The following DFFB variants were observed in gnomAD, a reference collection of about 807,000 sequenced individuals.
DFFB encodes the protein DNA fragmentation factor 40 kDa subunit.
DFFB carries 29 observed loss-of-function variants against 32.7 expected under a neutral mutation model. The observed-to-expected ratio is 0.89, with a 90% CI of 0.66 to 1.21. The LOEUF (loss-of-function observed/expected upper bound fraction) is 1.21. Ranked by LOEUF, DFFB falls within the 50% of genes most tolerant of loss-of-function variation. The pLI, the probability that DFFB is intolerant of heterozygous loss-of-function variation, is 0.00. For synonymous variants in DFFB, 170 were observed against 177.1 expected (o/e 0.96, Z 0.32); for missense variants, 398 against 440.6 (o/e 0.90, Z 0.87).
intron 6 of DFFB, among the ~76,000 whole-genome samples, chr1:3,879,657 G>C (rs1645297938): frequency 6.6e-6 from 1 of 152,120 alleles, no homozygotes; most frequent in African/African-American, 2.4e-5. Flanking sequence ...CCAGGACTGT[G>C]AGAGAGTAAA....
At chr1:3,868,129 C>A in intron 4 of DFFB, 76 bp downstream of exon 4, 1 of 1,307,474 alleles carries the variant, frequency 7.6e-7, no homozygotes, top group Non-Finnish European at 1.1e-6. Context: ...AGCCTGTGGT[C>A]CTCACGATGG....
chr1:3,861,549 C>A (rs967675245), intron 2 of DFFB, among the ~76,000 whole-genome samples: 1 of 152,108 alleles, frequency 6.6e-6, no homozygotes, highest in African/African-American at 2.4e-5. Context: ...CTACCTCCGC[C>A]CCTGAGTAGC....
At chr1:3,869,924 G>T in intron 5 of DFFB, 149 bp downstream of exon 5, 1 of 850,308 alleles carries the variant, frequency 1.2e-6, no homozygotes, top group Non-Finnish European at 1.8e-6. Context: ...CAGGGAGGGC[G>T]GCAGTGTCTC....
intron 6 of DFFB, among the ~76,000 whole-genome samples, chr1:3,880,942 G>A (rs1192819610): frequency 2.0e-5 from 3 of 152,184 alleles, no homozygotes; most frequent in Non-Finnish European, 4.4e-5. Context: ...TGTTGGTCGT[G>A]TACTTTGGGC....
At chr1:3,858,941 C>T (rs1644822891) in intron 2 of DFFB, 97 bp downstream of exon 2, 1 of 1,524,172 alleles carries the variant, frequency 6.6e-7, no homozygotes, top group Non-Finnish European at 8.8e-7. Context: ...GGAAGAGTCC[C>T]CCTTACTGTG....
intron 6 of DFFB, among the ~76,000 whole-genome samples, chr1:3,882,466 G>A (rs545420787): frequency 1.7e-4 from 26 of 151,944 alleles, no homozygotes; most frequent in Non-Finnish European, 3.7e-4. Flanking sequence ...CAGGGTTCAA[G>A]CAGTTATCCT....
At chr1:3,864,563 T>G (rs1031271206) in intron 2 of DFFB, among the ~76,000 whole-genome samples, 1 of 152,102 alleles carries the variant, frequency 6.6e-6, no homozygotes, top group African/African-American at 2.4e-5. Flanking sequence ...GGTCTCACTC[T>G]GTTGCCCACG....
intron 3 of DFFB, among the ~76,000 whole-genome samples, chr1:3,866,983 C>T (rs1353436663): frequency 1.3e-5 from 2 of 151,680 alleles, no homozygotes; most frequent in African/African-American, 4.9e-5. Flanking sequence ...GCAAGCTCCA[C>T]CTCCCGGGTT....
intron 2 of DFFB, among the ~76,000 whole-genome samples, chr1:3,862,577 G>C (rs1644898826): frequency 1.3e-5 from 2 of 152,154 alleles, no homozygotes; most frequent in Non-Finnish European, 2.9e-5. Flanking sequence ...AGGATGCCAG[G>C]ACCATTCAAC....
At chr1:3,880,759 G>C (rs1193344233) in intron 6 of DFFB, among the ~76,000 whole-genome samples, 2 of 152,172 alleles carry the variant, frequency 1.3e-5, no homozygotes, top group East Asian at 3.9e-4. Flanking sequence ...CTTGGGCCTG[G>C]AGCTTGCTTT....
intron 1 of DFFB, 76 bp from the exon 2 acceptor site, chr1:3,858,642 C>A: frequency 6.5e-7 from 1 of 1,538,628 alleles, no homozygotes; most frequent in South Asian, 1.2e-5. Context: ...TCATTCCGGT[C>A]GTTTGTGAGG....
chr1:3,884,004 C>T lies in DFFB; in HGVS notation c.*263C>T. The T allele has an allele frequency of 2.3e-6, 1 of 436,824 alleles. No individual in the cohort carries two copies. The allele number at this position is 436,824 out of a possible 1,614,324, so 27.1% of individuals were successfully genotyped here. Reference sequence around the variant, plus strand: ...TGTAGTGGCGCGATCTCGGCTCAGCCTCCCGAGTAGCTGGGATTACAGGCA... The same window carrying T: ...TGTAGTGGCGCGATCTCGGCTCAGCTTCCCGAGTAGCTGGGATTACAGGCA... On this transcript the variant is annotated 3_prime_UTR_variant, in exon 7 of 7. Transcript: ENST00000378209.
chr1:3,881,127 T>C (rs1035374394), intron 6 of DFFB, among the ~76,000 whole-genome samples: 3 of 152,192 alleles, frequency 2.0e-5, no homozygotes, highest in Non-Finnish European at 4.4e-5. Context: ...GGGGGACTTG[T>C]CCCCTCTGAA....
intron 4 of DFFB, among the ~76,000 whole-genome samples, chr1:3,868,996 A>G (rs1417301086): frequency 6.6e-6 from 1 of 152,230 alleles, no homozygotes; most frequent in Non-Finnish European, 1.5e-5. Flanking sequence ...TGCAATGACC[A>G]GGCCCTTCCA....
At chr1:3,868,698 CACCACACCAG>C (rs2124744197) in intron 4 of DFFB, among the ~76,000 whole-genome samples, 3 of 152,258 alleles carry the variant, frequency 2.0e-5, no homozygotes, top group Non-Finnish European at 4.4e-5. Context: ...CACCAGGCCA[CACCACACCAG>C]GCCACACCAC....
chr1:3,882,744 T>C (rs929839462), intron 6 of DFFB, among the ~76,000 whole-genome samples: 1 of 152,222 alleles, frequency 6.6e-6, no homozygotes, highest in Non-Finnish European at 1.5e-5. Context: ...AGCAAACCCT[T>C]AATAGTGATT....
chr1:3,872,903 C>T, intron 6 of DFFB: 2 of 1,218,482 alleles, frequency 1.6e-6, no homozygotes, highest in Non-Finnish European at 2.1e-6. Context: ...CAGCCCTTGG[C>T]TGTCAGAGGT....
At position 3,882,193 on chromosome 1, in the gene DFFB, C is replaced by T. The variant is rs138347542; in HGVS notation, c.783-1314C>T. Among the ~76,000 whole-genome samples the T allele has an allele frequency of 8.2e-3, 1,248 of 151,958 alleles. 12 individuals carry two copies. Among genetic ancestry groups the T allele is most frequent in the African/African-American group, 0.028 (1,157 of 41,462 alleles). On this transcript the variant is annotated intron_variant, in intron 6 of 6. Transcript: ENST00000378209. Reference sequence around the variant, plus strand: ...GCCTCCTGAGTAGTAGCTGGGATTACAGGCGTGCGCCACTATGCCTGGCTA... The same window carrying T: ...GCCTCCTGAGTAGTAGCTGGGATTATAGGCGTGCGCCACTATGCCTGGCTA...
At chr1:3,877,131 G>A (rs1645239668) in intron 6 of DFFB, among the ~76,000 whole-genome samples, 1 of 152,146 alleles carries the variant, frequency 6.6e-6, no homozygotes, top group African/African-American at 2.4e-5. Context: ...TTTCCTTTCT[G>A]TCTCATCACA....
Sources: allele counts gnomAD v4.1 joint callset (sites outside exome capture counted in the v4.1 genomes callset), GRCh38; gene constraint gnomAD v4.1.1; transcripts MANE v1.5; gene names NCBI Gene and HGNC (gene_info 2026-07-23, HGNC 2026-07-21).